The following PTAR1 variants were observed in gnomAD, a reference collection of about 807,000 sequenced individuals.
PTAR1 encodes the protein protein prenyltransferase alpha subunit repeat-containing protein 1.
Under a neutral mutation model 45.5 loss-of-function variants are expected in PTAR1, and 17 were observed. The ratio of observed to expected loss-of-function variants is 0.37; its 90% CI spans 0.26 to 0.56. The LOEUF (loss-of-function observed/expected upper bound fraction) is 0.56, where lower values mean the gene tolerates loss of function less well. Ranked by LOEUF, PTAR1 falls within the 20% of genes least tolerant of loss-of-function variation. The pLI is 0.77. For synonymous variants in PTAR1, 169 were observed against 171.3 expected (o/e 0.99, Z 0.11); for missense variants, 391 against 476.3 (o/e 0.82, Z 1.67).
intron 5 of PTAR1, among the ~76,000 whole-genome samples, chr9:69,729,117 C>G (rs1460355898): frequency 6.6e-6 from 1 of 151,942 alleles, no homozygotes; most frequent in African/African-American, 2.4e-5. Flanking sequence ...GTCAGGAGTT[C>G]AAGACCAGCC....
intron 2 of PTAR1, among the ~76,000 whole-genome samples, chr9:69,749,426 C>G (rs1430649381): frequency 6.6e-6 from 1 of 152,090 alleles, no homozygotes; most frequent in East Asian, 1.9e-4. Flanking sequence ...TTACTGAAAA[C>G]TACAGCACGG....
Position 69,713,869 on chromosome 9 carries a change from T to C in PTAR1, c.*4473A>G, listed in dbSNP as rs1824620085. On this transcript the variant is annotated 3_prime_UTR_variant, in exon 8 of 8. Coordinates refer to ENST00000340434, the MANE Select transcript of PTAR1 (RefSeq NM_001099666.2). ...CTTATATCAGTCTCTCACTGAAGGA[T>C]AAAATACCCTACGGGGCCATGCCTA... The C allele has an allele frequency of 6.6e-6, 1 of 152,060 alleles. No individual in the cohort carries two copies. Among genetic ancestry groups the C allele is most frequent in the Non-Finnish European group, 1.5e-5 (1 of 67,988 alleles). 9.4% of individuals were successfully genotyped at this position (152,060 alleles called of 1,614,324 possible). A position where few individuals can be genotyped will look rare whatever the true frequency, so the allele number is the denominator to read the frequency against.
At chr9:69,731,758 G>A (rs978561285) in intron 5 of PTAR1, among the ~76,000 whole-genome samples, 1 of 139,410 alleles carries the variant, frequency 7.2e-6, no homozygotes, top group Non-Finnish European at 1.6e-5. Context: ...GAGGACGAGA[G>A]TGTGAAAAGA....
intron 2 of PTAR1, among the ~76,000 whole-genome samples, chr9:69,746,151 TA>T (rs1475004265): frequency 6.6e-6 from 1 of 152,150 alleles, no homozygotes; most frequent in Admixed American, 6.5e-5. Context: ...CAGTCTGATA[TA>T]AGAAGCTAGG....
At chr9:69,720,944 A>G (rs79227783) in intron 6 of PTAR1, among the ~76,000 whole-genome samples, 2,212 of 152,288 alleles carry the variant, frequency 0.015, 55 homozygotes, top group African/African-American at 0.05. Context: ...TCTGATTGAG[A>G]TGTACAAAAA....
chr9:69,723,701 G>T, intron 5 of PTAR1, 71 bp from the exon 6 acceptor site: 1 of 1,157,526 alleles, frequency 8.6e-7, no homozygotes, highest in Non-Finnish European at 1.2e-6. Flanking sequence ...TATTGCCTCT[G>T]ATTTCTCTTT....
chr9:69,737,223 G>T (rs1338197143), intron 3 of PTAR1, among the ~76,000 whole-genome samples: 1 of 151,914 alleles, frequency 6.6e-6, no homozygotes, highest in African/African-American at 2.4e-5. Flanking sequence ...GGGACCACAG[G>T]CACACACAAC....
In PTAR1 at chr9:69,714,686, G is replaced by A. The variant is rs1824659705; in HGVS notation, c.*3656C>T. The A allele has an allele frequency of 6.6e-6, 1 of 151,964 alleles. No homozygotes were observed. 9.4% of individuals were successfully genotyped at this position (151,964 alleles called of 1,614,324 possible). Reference sequence around the variant, plus strand: ...CATAAGCCCTTATTTAAAAATTTAAGTACTTTTAGAGATAACCTGTATATA... The same window carrying A: ...CATAAGCCCTTATTTAAAAATTTAAATACTTTTAGAGATAACCTGTATATA... On this transcript the variant is annotated 3_prime_UTR_variant, in exon 8 of 8. Transcript: ENST00000340434.
chr9:69,736,225 G>T (rs1191558136), intron 3 of PTAR1, among the ~76,000 whole-genome samples: 3 of 152,170 alleles, frequency 2.0e-5, no homozygotes, highest in Non-Finnish European at 4.4e-5. Flanking sequence ...CAGAAACTCA[G>T]GTGGGCACAG....
At position 69,750,410 on chromosome 9, in the gene PTAR1, A is replaced by C. The variant is rs548590464; in HGVS notation, c.256+371T>G. ...AGTTTTGCTGCCTATAAAAATACTA[A>C]AGGATTAGAAACCAGAGACTGAGCC... is the stretch of plus-strand genomic sequence containing the variant. On this transcript the variant is annotated intron_variant, in intron 2 of 7. Transcript: ENST00000340434. 7.9e-5 allele frequency among the ~76,000 whole-genome samples: 12 copies of C among 152,136 alleles called. No individual in the cohort carries two copies. The East Asian group carries it at 2.3e-3, about 29-fold the overall frequency.
At chr9:69,747,603 A>C (rs1826331296) in intron 2 of PTAR1, among the ~76,000 whole-genome samples, 1 of 152,210 alleles carries the variant, frequency 6.6e-6, no homozygotes, top group Non-Finnish European at 1.5e-5. Flanking sequence ...GCAGTGTCTC[A>C]AGAGCTTGAA....
chr9:69,759,953 C>G lies in PTAR1; in HGVS notation c.-15G>C, dbSNP rs1827019572. ...GTCTCGGCCATGTTGGCGGCGGCCG[C>G]GACAGTTCGGGCGCGCCTCCGCGTG... On this transcript the variant is annotated 5_prime_UTR_variant, in exon 1 of 8. Transcript: ENST00000340434. 6.7e-7 allele frequency: 1 copy of G among 1,485,434 alleles called. No homozygotes were observed. Among genetic ancestry groups the G allele is most frequent in the Non-Finnish European group, 9.0e-7 (1 of 1,115,490 alleles). 92.0% of individuals were successfully genotyped at this position (1,485,434 alleles called of 1,614,324 possible).
rs967629258 is a variant in PTAR1, at chr9:69,713,833, C to G, written c.*4509G>C. ...ATGATAACTAATGGAATAATCAAAG[C>G]ATCCTGCCTGCTTATATCAGTCTCT... On this transcript the variant is annotated 3_prime_UTR_variant, in exon 8 of 8. Transcript: ENST00000340434. The G allele has an allele frequency of 6.6e-6, 1 of 152,098 alleles. No individual in the cohort carries two copies. The highest frequency in any genetic ancestry group is 2.4e-5 in the African/African-American group (1 of 41,434). 9.4% of individuals were successfully genotyped at this position (152,098 alleles called of 1,614,324 possible).
At chr9:69,751,106 G>T (rs559771951) in intron 1 of PTAR1, among the ~76,000 whole-genome samples, 156 bp from the exon 2 acceptor site, 2 of 152,116 alleles carry the variant, frequency 1.3e-5, no homozygotes, top group Non-Finnish European at 2.9e-5. Context: ...GCTAATAGTG[G>T]CAAGAGTATG....
At chr9:69,727,231 A>G (rs1485877423) in intron 5 of PTAR1, among the ~76,000 whole-genome samples, 4 of 152,168 alleles carry the variant, frequency 2.6e-5, no homozygotes, top group Non-Finnish European at 4.4e-5. Context: ...CATTATTAAC[A>G]GTAATTACCA....
chr9:69,741,337 C>A (rs986954825), intron 3 of PTAR1, among the ~76,000 whole-genome samples: 15 of 152,140 alleles, frequency 9.9e-5, no homozygotes, highest in African/African-American at 3.6e-4. Flanking sequence ...CCAGACACTG[C>A]CATTTCAGTA....
chr9:69,737,804 T>A, intron 3 of PTAR1, among the ~76,000 whole-genome samples: 1 of 152,228 alleles, frequency 6.6e-6, no homozygotes, highest in East Asian at 1.9e-4. Flanking sequence ...AAATTGCTGA[T>A]ACTCAATCTT....
Position 69,759,940 on chromosome 9 carries a change from T to A in PTAR1, c.-2A>T. 6.7e-7 allele frequency: 1 copy of A among 1,501,264 alleles called. No individual in the cohort carries two copies. Among genetic ancestry groups the A allele is most frequent in the East Asian group, 2.9e-5 (1 of 34,290 alleles). The allele number at this position is 1,501,264 out of a possible 1,614,324, so 93.0% of individuals were successfully genotyped here. A position where few individuals can be genotyped will look rare whatever the true frequency, so the allele number is the denominator to read the frequency against. On this transcript the variant is annotated 5_prime_UTR_variant, in exon 1 of 8. Transcript: ENST00000340434. ...CACCTCCTCGCTGGTCTCGGCCATG[T>A]TGGCGGCGGCCGCGACAGTTCGGGC...
chr9:69,750,947 A>C lies in PTAR1; in HGVS notation c.90T>G (p.Asp30Glu), dbSNP rs750005566. Residue 30 changes from aspartate to glutamate, a missense_variant, in exon 2 of 8, where the codon GAT (aspartate) becomes GAG (glutamate). Physicochemically the swap from Asp to Glu is conservative, Grantham distance 45 (BLOSUM62 2). Around this residue, in one of 5 missense-constraint regions of PTAR1, gnomAD observed 152 missense variants for 160.0 expected, o/e 0.95. Transcript: ENST00000340434. ...TNAFRRNPHI[D>E]EIGLIPCPEA... ...CAGGACATGGGATCAGGCCAATTTC[A>C]TCTCTTAATATGTAAAACATAAAAA... 1.3e-5 allele frequency: 21 copies of C among 1,565,816 alleles called. No homozygotes were observed. In the African/African-American group the frequency reaches 2.1e-4, roughly 15 times the overall value.
Sources: gnomAD v4.1 joint callset for allele counts (sites outside exome capture counted in the v4.1 genomes callset) on GRCh38, gnomAD v4.1.1 for gene constraint, gnomAD v4.1.1 regional missense constraint, MANE v1.5 for transcripts, NCBI Gene and HGNC (gene_info 2026-07-23, HGNC 2026-07-21) for gene names.